Variants in ARL15 observed in about 807,000 individuals in gnomAD.
ARL15 encodes ADP-ribosylation factor-like protein 15.
ARL15 carries 19 observed loss-of-function variants against 25.2 expected under a neutral mutation model. The ratio of observed to expected loss-of-function variants is 0.75; its 90% confidence interval spans 0.53 to 1.10. The LOEUF (loss-of-function observed/expected upper bound fraction) is 1.10. Ranked by LOEUF, ARL15 falls within the 50% of genes least tolerant of loss-of-function variation. The probability of loss-of-function intolerance (pLI) is 0.00; values close to 1 mark genes in which losing one functional copy is unlikely to be tolerated. For synonymous variants in ARL15, 94 were observed against 86.8 expected (o/e 1.08, Z -0.46); for missense variants, 220 against 246.0 (o/e 0.89, Z 0.71).
intron 4 of ARL15, among the ~76,000 whole-genome samples, chr5:54,100,374 A>C (rs930606569): frequency 1.3e-5 from 2 of 152,150 alleles, no homozygotes; most frequent in Non-Finnish European, 1.5e-5. Flanking sequence ...GTTTCATTAA[A>C]GAAAAGATCT....
chr5:54,141,343 C>A (rs920620412), intron 3 of ARL15, among the ~76,000 whole-genome samples: 1 of 151,730 alleles, frequency 6.6e-6, no homozygotes, highest in Non-Finnish European at 1.5e-5. Flanking sequence ...GTTTTCTTTC[C>A]GAGTCCTTTC....
Position 53,975,428 on chromosome 5 carries a change from C to T in ARL15, c.463-88715G>A, listed in dbSNP as rs532564098. ...CTTGCAAAGGGTCCTCCCTGTTACA[C>T]TACTCCTCTAAGAAGTTCTCAAGGA... is the stretch of plus-strand genomic sequence containing the variant. On this transcript the variant is annotated intron_variant, in intron 4 of 4. Coordinates refer to ENST00000504924, the MANE Select transcript of ARL15 (RefSeq NM_019087.3). Among the ~76,000 whole-genome samples the T allele has an allele frequency of 4.6e-5, 7 of 152,338 alleles. No individual in the cohort carries two copies. In the East Asian group the frequency reaches 1.4e-3, roughly 29 times the overall value.
At chr5:54,251,826 C>T (rs1365026250) in intron 1 of ARL15, among the ~76,000 whole-genome samples, 1 of 152,146 alleles carries the variant, frequency 6.6e-6, no homozygotes, top group Non-Finnish European at 1.5e-5. Context: ...TAGAATCACC[C>T]TGGAGGACAT....
At chr5:54,306,711 A>C (rs1169170616) in intron 1 of ARL15, among the ~76,000 whole-genome samples, 1 of 151,948 alleles carries the variant, frequency 6.6e-6, no homozygotes, top group African/African-American at 2.4e-5. Flanking sequence ...TTAACATTTT[A>C]TATTTGAAAA....
intron 4 of ARL15, among the ~76,000 whole-genome samples, chr5:53,938,510 C>T (rs574214210): frequency 2.6e-5 from 4 of 152,348 alleles, no homozygotes; most frequent in East Asian, 3.9e-4. Context: ...TTCCAACTGT[C>T]TCCTTTACCA....
chr5:54,260,246 T>G (rs1233888562), intron 1 of ARL15, among the ~76,000 whole-genome samples: 1 of 152,172 alleles, frequency 6.6e-6, no homozygotes, highest in African/African-American at 2.4e-5. Flanking sequence ...CACTCTGAGC[T>G]TAAATGCAAA....
At chr5:54,184,439 T>TAAAAA (rs527755025) in intron 1 of ARL15, among the ~76,000 whole-genome samples, 4 of 69,108 alleles carry the variant, frequency 5.8e-5, no homozygotes, top group Non-Finnish European at 8.3e-5. Context: ...ACACTGTCTT[T>TAAAAA]AAAAAAAAAA....
chr5:54,184,973 C>A (rs992179025), intron 1 of ARL15, among the ~76,000 whole-genome samples: 2 of 152,064 alleles, frequency 1.3e-5, no homozygotes, highest in Non-Finnish European at 2.9e-5. Context: ...CTATAGCTAC[C>A]CACAGCTGTC....
chr5:53,944,098 G>T (rs1021099877), intron 4 of ARL15, among the ~76,000 whole-genome samples: 1 of 152,054 alleles, frequency 6.6e-6, no homozygotes, highest in African/African-American at 2.4e-5. Context: ...GATCTTACAG[G>T]GCCTTAGAAC....
At chr5:54,298,893 G>T (rs79261651) in intron 1 of ARL15, among the ~76,000 whole-genome samples, 18 of 149,766 alleles carry the variant, frequency 1.2e-4, no homozygotes, top group East Asian at 4.0e-4. Context: ...TGGTTTTTTG[G>T]TTTTTTTTTC....
chr5:54,189,774 A>C (rs906922736), intron 1 of ARL15, among the ~76,000 whole-genome samples: 2 of 152,226 alleles, frequency 1.3e-5, no homozygotes, highest in African/African-American at 4.8e-5. Flanking sequence ...TTTGTTGGAC[A>C]TGATACCACA....
intron 1 of ARL15, among the ~76,000 whole-genome samples, chr5:54,235,317 A>G (rs1756772199): frequency 6.6e-6 from 1 of 152,196 alleles, no homozygotes; most frequent in South Asian, 2.1e-4. Flanking sequence ...GTAAAAATAC[A>G]CTCAACCTTA....
At chr5:54,022,368 C>T (rs1166209508) in intron 4 of ARL15, among the ~76,000 whole-genome samples, 1 of 151,906 alleles carries the variant, frequency 6.6e-6, no homozygotes, top group Non-Finnish European at 1.5e-5. Context: ...ATCTCTTGCC[C>T]CTCTTTCCCT....
chr5:54,016,923 C>G (rs935510875), intron 4 of ARL15, among the ~76,000 whole-genome samples: 2 of 152,138 alleles, frequency 1.3e-5, no homozygotes, highest in African/African-American at 2.4e-5. Context: ...ACGGAGAGAT[C>G]GATTTCATGG....
chr5:54,262,126 C>T (rs993932849), intron 1 of ARL15, among the ~76,000 whole-genome samples: 4 of 152,032 alleles, frequency 2.6e-5, no homozygotes, highest in Non-Finnish European at 4.4e-5. Flanking sequence ...ATTTTCCTAA[C>T]CTTTCTGTAT....
At chr5:54,275,022 C>T (rs1161343089) in intron 1 of ARL15, among the ~76,000 whole-genome samples, 2 of 152,214 alleles carry the variant, frequency 1.3e-5, no homozygotes, top group Non-Finnish European at 2.9e-5. Context: ...AATACATAAA[C>T]TATATTGATA....
chr5:53,887,489 A>G, intron 4 of ARL15: 1 of 642,556 alleles, frequency 1.6e-6, no homozygotes, highest in Non-Finnish European at 2.8e-6. Context: ...CATACTGACT[A>G]ACGGCATTTA....
intron 1 of ARL15, among the ~76,000 whole-genome samples, chr5:54,194,129 C>T (rs1380519084): frequency 1.3e-5 from 2 of 152,118 alleles, no homozygotes; most frequent in African/African-American, 4.8e-5. Flanking sequence ...ACCCAGTCTT[C>T]TTTGAAAACA....
intron 2 of ARL15, among the ~76,000 whole-genome samples, chr5:54,159,504 G>A (rs1481389718): frequency 2.0e-5 from 3 of 152,124 alleles, no homozygotes; most frequent in African/African-American, 4.8e-5. Context: ...TCTTTGAGAT[G>A]TCCTCTAAAA....
Sources: gnomAD v4.1 joint callset for allele counts (sites outside exome capture counted in the v4.1 genomes callset) on GRCh38, gnomAD v4.1.1 for gene constraint, MANE v1.5 for transcripts, NCBI Gene and HGNC (gene_info 2026-07-23, HGNC 2026-07-21) for gene names.